RBFA: variants seen among roughly 807,000 people sequenced by gnomAD.
RBFA encodes putative ribosome-binding factor A, mitochondrial.
RBFA carries 16 observed loss-of-function variants against 27.9 expected under a neutral mutation model. The observed-to-expected ratio is 0.57, with a 90% CI of 0.39 to 0.87. RBFA has a LOEUF of 0.87. Ranked by LOEUF, RBFA falls within the 40% of genes least tolerant of loss-of-function variation. The pLI is 0.00. For synonymous variants in RBFA, 181 were observed against 181.0 expected, an observed-to-expected ratio of 1.00 and a Z score of 0.00; for missense variants, 456 against 432.1, an observed-to-expected ratio of 1.06 and a Z score of -0.49.
At chr18:80,040,314 A>G (rs1263759359) in intron 4 of RBFA, among the ~76,000 whole-genome samples, 7 of 143,092 alleles carry the variant, frequency 4.9e-5, no homozygotes, top group East Asian at 2.1e-4. Flanking sequence ...CAGAGACACA[A>G]TCTTGGCTCC....
At chr18:80,038,470 G>A (rs1233130804) in intron 3 of RBFA, 35 bp from the exon 4 acceptor site, 15 of 1,437,008 alleles carry the variant, frequency 1.0e-5, no homozygotes, top group Non-Finnish European at 1.4e-5. Flanking sequence ...ACCCATGTAA[G>A]CTAAAAAGTG....
rs12965877 is a variant in RBFA at position 80,050,485 on chromosome 18, C to T, written c.*4330C>T. Among the ~76,000 whole-genome samples, 97,364 of 151,986 alleles carry T rather than the reference C, an allele frequency of 0.64. 31,882 individuals carry two copies. The highest frequency in any genetic ancestry group is 0.72 in the Non-Finnish European group (48,624 of 67,960). On this transcript the variant is annotated 3_prime_UTR_variant, in exon 7 of 7. Coordinates refer to ENST00000306735, the MANE Select transcript of RBFA (RefSeq NM_024805.3). The stretch of plus-strand genomic sequence containing the variant: ...TCCCCTCAAGCATTTATCCTTTGTG[C>T]CACAAACAATCCGATTATATTGTTT...
At chr18:80,038,759 C>G (rs2051998409) in intron 4 of RBFA, 142 bp downstream of exon 4, 2 of 608,070 alleles carry the variant, frequency 3.3e-6, no homozygotes, top group South Asian at 4.1e-5. Context: ...TCTTGAAGTT[C>G]ATAGTATAAT....
At chr18:80,044,423 A>C (rs765275776) in intron 6 of RBFA, 138 bp downstream of exon 6, 1 of 773,924 alleles carries the variant, frequency 1.3e-6, no homozygotes, top group Non-Finnish European at 2.2e-6. Flanking sequence ...CAGGGCCGGC[A>C]ATCCACATTC....
rs574844276 is a variant in RBFA at position 80,038,805 on chromosome 18, T to C, written c.491+188T>C. ...GTATAAGCTATAATGTAGGTTAGCA[T>C]TTATTAAAGTGTGCCAGGATCACTA... On this transcript the variant is annotated intron_variant, in intron 4 of 6. Transcript: ENST00000306735. 5.9e-5 allele frequency among the ~76,000 whole-genome samples: 9 copies of C among 152,312 alleles called. No homozygotes were observed. The South Asian group carries it at 1.9e-3, about 32-fold the overall frequency.
Position 80,034,756 on chromosome 18 carries a change from A to T in RBFA, c.158+103A>T, listed in dbSNP as rs1027862955. 2.0e-6 allele frequency: 3 copies of T among 1,470,668 alleles called. No individual in the cohort carries two copies. In the African/African-American group the frequency reaches 4.3e-5, roughly 21 times the overall value. The allele number at this position is 1,470,668 out of a possible 1,614,324, so 91.1% of individuals were successfully genotyped here. Reference sequence around the variant, plus strand: ...CCGCGTTCTTGCGCCCATGCGGCCTAGCTCGCCAGTTCCTGCCTCCTGGGG... The same window carrying T: ...CCGCGTTCTTGCGCCCATGCGGCCTTGCTCGCCAGTTCCTGCCTCCTGGGG... On this transcript the variant is annotated intron_variant, in intron 1 of 6. Transcript: ENST00000306735.
chr18:80,039,419 T>C (rs2052002452), intron 4 of RBFA, among the ~76,000 whole-genome samples: 1 of 152,246 alleles, frequency 6.6e-6, no homozygotes, highest in Admixed American at 6.5e-5. Context: ...TTCATATTTT[T>C]TGTAATGGGA....
rs1474745069 is a variant in RBFA at position 80,034,560 on chromosome 18, G to T, written c.65G>T (p.Arg22Leu). Residue 22 changes from arginine (R) to leucine (L), a missense_variant, in exon 1 of 7, where the codon CGC becomes CTC. Coordinates refer to ENST00000306735, the MANE Select transcript of RBFA (RefSeq NM_024805.3). Reference protein sequence around the residue: ...RAGLRALFRSRDAALFPGCER... With the variant: ...RAGLRALFRSLDAALFPGCER... ...GGTCTCCGGGCCCTGTTCCGTAGCC[G>T]CGATGCTGCGCTATTTCCAGGCTGC... 1 of 1,608,674 alleles carries T rather than the reference G, an allele frequency of 6.2e-7. No individual in the cohort carries two copies. Among genetic ancestry groups the T allele is most frequent in the Non-Finnish European group, 8.5e-7 (1 of 1,178,894 alleles).
intron 6 of RBFA, 134 bp downstream of exon 6, chr18:80,044,419 C>T (rs1182231904): frequency 1.3e-5 from 10 of 785,582 alleles, no homozygotes; most frequent in Admixed American, 2.0e-5. Flanking sequence ...CCTCCAGGGC[C>T]GGCAATCCAC....
chr18:80,039,759 G>A (rs574300479), intron 4 of RBFA, among the ~76,000 whole-genome samples: 2 of 152,164 alleles, frequency 1.3e-5, no homozygotes, highest in Non-Finnish European at 2.9e-5. Flanking sequence ...GCATAACTAG[G>A]TGAGCTGTTG....
Position 80,046,111 on chromosome 18 carries a change from G to A in RBFA, c.988G>A (p.Gly330Ser). 1 of 1,614,126 alleles carries A rather than the reference G, an allele frequency of 6.2e-7. No homozygotes were observed. Among genetic ancestry groups the A allele is most frequent in the Non-Finnish European group, 8.5e-7 (1 of 1,180,020 alleles). ...GGAGTTGGAGGCAGAGAGAGGAGGT[G>A]GCAGAACAGAGGATGGCCACAGCTG... ...TEELEAERGG[G>S]RTEDGHSCGA... The change falls in exon 7 of 7, where the codon GGC becomes AGC. Residue 330 changes from glycine (G) to serine (S), a missense_variant. By Grantham distance (56) the Gly-to-Ser change is moderately conservative (BLOSUM62 0). Coordinates refer to ENST00000306735, the MANE Select transcript of RBFA (RefSeq NM_024805.3).
chr18:80,046,663 C>T lies in RBFA; in HGVS notation c.*508C>T, dbSNP rs1395935832. On this transcript the variant is annotated 3_prime_UTR_variant, in exon 7 of 7. Transcript: ENST00000306735. ...GGGTCGGCACGTGGCGCCGGGGGCT[C>T]CGTCCCTGACTGGCCTCTTCACAGC... Among the ~76,000 whole-genome samples, 1 of 152,228 alleles carries T rather than the reference C, an allele frequency of 6.6e-6. No individual in the cohort carries two copies. The highest frequency in any genetic ancestry group is 6.5e-5 in the Admixed American group (1 of 15,286).
At chr18:80,035,343 C>G (rs1482733631) in intron 1 of RBFA, 1 of 152,468 alleles carries the variant, frequency 6.6e-6, no homozygotes, top group Non-Finnish European at 1.5e-5. Flanking sequence ...CAGGTGCCCA[C>G]CCAAGGTCCA....
chr18:80,043,420 A>G (rs1180339012), intron 5 of RBFA, among the ~76,000 whole-genome samples: 1 of 152,260 alleles, frequency 6.6e-6, no homozygotes, highest in Non-Finnish European at 1.5e-5. Flanking sequence ...GAGTGAAGTT[A>G]TAGTCCCTGC....
chr18:80,035,408 C>T (rs1378746129), intron 1 of RBFA: 1 of 152,340 alleles, frequency 6.6e-6, no homozygotes, highest in Admixed American at 6.5e-5. Context: ...CAGACTGTCC[C>T]TGGTTTTGAT....
intron 6 of RBFA, 112 bp downstream of exon 6, chr18:80,044,397 C>T: frequency 1.0e-6 from 1 of 955,812 alleles, no homozygotes; most frequent in Non-Finnish European, 1.7e-6. Context: ...TGCATGATCC[C>T]CATGGCACTT....
rs1180632236 is a variant in RBFA at position 80,046,336 on chromosome 18, T to C, written c.*181T>C. 7 of 661,520 alleles carry C rather than the reference T, an allele frequency of 1.1e-5. No individual in the cohort carries two copies. The highest frequency in any genetic ancestry group is 6.1e-5 in the Admixed American group (2 of 32,556). 41.0% of individuals were successfully genotyped at this position (661,520 alleles called of 1,614,324 possible). On this transcript the variant is annotated 3_prime_UTR_variant, in exon 7 of 7. Coordinates refer to ENST00000306735, the MANE Select transcript of RBFA (RefSeq NM_024805.3). ...ACACAAGTCACTGTTTTTTTTTCCATGCACTGTGTGTAATTTAAAAATTAA... is the reference window on the plus strand; with the variant it reads ...ACACAAGTCACTGTTTTTTTTTCCACGCACTGTGTGTAATTTAAAAATTAA...
chr18:80,042,565 T>C (rs2052023472), intron 5 of RBFA, among the ~76,000 whole-genome samples: 1 of 152,062 alleles, frequency 6.6e-6, no homozygotes, highest in African/African-American at 2.4e-5. Context: ...GGTCAGGAGT[T>C]AGAGACTAGC....
rs956036189 is a variant in RBFA, at chr18:80,046,468, G to A, written c.*313G>A. 1 of 342,568 alleles carries A rather than the reference G, an allele frequency of 2.9e-6. No individual in the cohort carries two copies. Among genetic ancestry groups the A allele is most frequent in the Non-Finnish European group, 5.5e-6 (1 of 182,514 alleles). 21.2% of individuals were successfully genotyped at this position (342,568 alleles called of 1,614,324 possible). ...GCAGAGCCCTGCCAGGTGCCAGTGA[G>A]TGCTTGGCCCGAGGGGTCAGGCCAC... On this transcript the variant is annotated 3_prime_UTR_variant, in exon 7 of 7. Transcript: ENST00000306735.
Sources: allele counts gnomAD v4.1 joint callset (sites outside exome capture counted in the v4.1 genomes callset), GRCh38; gene constraint gnomAD v4.1.1; transcripts MANE v1.5; gene names NCBI Gene and HGNC (gene_info 2026-07-23, HGNC 2026-07-21).